HHAT: variants seen among roughly 807,000 people sequenced by gnomAD.
HHAT encodes the protein protein-cysteine N-palmitoyltransferase HHAT.
A neutral mutation model predicts 70.8 loss-of-function variants in HHAT; 47 were observed. The observed-to-expected ratio is 0.66, with a 90% CI of 0.53 to 0.85. The LOEUF is 0.85. Ranked by LOEUF, HHAT falls within the 40% of genes least tolerant of loss-of-function variation. The pLI is 0.00. For missense variants in HHAT, 609 were observed against 604.8 expected, an observed-to-expected ratio of 1.01 and a Z score of -0.07; for synonymous variants, 228 against 247.6, an observed-to-expected ratio of 0.92 and a Z score of 0.74.
intron 11 of HHAT, among the ~76,000 whole-genome samples, chr1:210,668,384 T>C (rs1193844208): frequency 2.6e-5 from 4 of 152,214 alleles, no homozygotes; most frequent in Non-Finnish European, 2.9e-5. Flanking sequence ...CCCATGGTCA[T>C]GGGAAGGACC....
At chr1:210,578,329 GA>G (rs933289111) in intron 9 of HHAT, among the ~76,000 whole-genome samples, 1 of 151,610 alleles carries the variant, frequency 6.6e-6, no homozygotes, top group East Asian at 1.9e-4. Flanking sequence ...TTATTTTCTA[GA>G]AAAAAAAGAT....
intron 1 of HHAT, among the ~76,000 whole-genome samples, chr1:210,347,940 C>T (rs2086663054): frequency 6.6e-6 from 1 of 152,174 alleles, no homozygotes; most frequent in African/African-American, 2.4e-5. Context: ...CACTTAGCTA[C>T]AGTGTAGTGT....
At chr1:210,644,097 A>T (rs1673526758) in intron 11 of HHAT, among the ~76,000 whole-genome samples, 1 of 152,170 alleles carries the variant, frequency 6.6e-6, no homozygotes, top group South Asian at 2.1e-4. Context: ...AAGATGTTGG[A>T]GGAGAGACTC....
intron 11 of HHAT, among the ~76,000 whole-genome samples, chr1:210,641,987 CTG>C (rs1191618597): frequency 6.6e-6 from 1 of 152,184 alleles, no homozygotes; most frequent in Non-Finnish European, 1.5e-5. Flanking sequence ...ATGTGTAAAA[CTG>C]TGCTTCCATT....
At chr1:210,336,265 C>T (rs1323584471) in intron 1 of HHAT, among the ~76,000 whole-genome samples, 1 of 132,216 alleles carries the variant, frequency 7.6e-6, no homozygotes, top group East Asian at 2.1e-4. Flanking sequence ...GGACTACAGG[C>T]ATGCACCACT....
chr1:210,577,260 T>C (rs1357612009), intron 9 of HHAT, among the ~76,000 whole-genome samples: 1 of 152,238 alleles, frequency 6.6e-6, no homozygotes, highest in Non-Finnish European at 1.5e-5. Context: ...TGCTTGTTTC[T>C]GATCTTAGCA....
intron 8 of HHAT, among the ~76,000 whole-genome samples, chr1:210,479,552 G>T (rs2094359710): frequency 1.3e-5 from 2 of 152,138 alleles, no homozygotes; most frequent in African/African-American, 4.8e-5. Context: ...TAAATGATTT[G>T]CCCAGAGAGG....
intron 6 of HHAT, among the ~76,000 whole-genome samples, chr1:210,411,599 A>C (rs182226291): frequency 6.6e-6 from 1 of 152,032 alleles, no homozygotes; most frequent in East Asian, 1.9e-4. Context: ...CAAAAAATAA[A>C]AAAAAATCAG....
chr1:210,508,838 C>T (rs1034590602), intron 8 of HHAT, among the ~76,000 whole-genome samples: 2 of 152,212 alleles, frequency 1.3e-5, no homozygotes, highest in South Asian at 2.1e-4. Flanking sequence ...ACACAAAAAA[C>T]ATGAACTTGT....
chr1:210,559,768 T>A (rs557524829), intron 9 of HHAT, among the ~76,000 whole-genome samples: 1 of 150,848 alleles, frequency 6.6e-6, no homozygotes, highest in Non-Finnish European at 1.5e-5. Flanking sequence ...GATGTGGTGG[T>A]TCCTTCTTTT....
rs771134636 is a variant in HHAT, at chr1:210,587,969, T to G, written c.1115T>G (p.Phe372Cys). The G allele has an allele frequency of 6.2e-7, 1 of 1,614,146 alleles. No individual in the cohort carries two copies. Among genetic ancestry groups the G allele is most frequent in the East Asian group, 2.2e-5 (1 of 44,868 alleles). The change falls in exon 10 of 12, where the codon TTT becomes TGT. Residue 372 changes from phenylalanine (F) to cysteine (C), a missense_variant. Physicochemically the swap from Phe to Cys is radical, Grantham distance 205. Transcript: ENST00000261458. Reference sequence around the variant, plus strand: ...ACACTGTTTTCCACGGCGATGACATTTGCATTTGTGAGCTACTGGCATGGC... The same window carrying G: ...ACACTGTTTTCCACGGCGATGACATGTGCATTTGTGAGCTACTGGCATGGC... ...LGTLFSTAMT[F>C]AFVSYWHGGY... is the part of the protein sequence containing the mutation.
Position 210,599,352 on chromosome 1 carries a change from G to A in HHAT, c.1245+11253G>A, listed in dbSNP as rs140490463. Among the ~76,000 whole-genome samples, 6 of 152,282 alleles carry A rather than the reference G, an allele frequency of 3.9e-5. No individual in the cohort carries two copies. In the South Asian group the frequency reaches 1.2e-3, roughly 32 times the overall value. On this transcript the variant is annotated intron_variant, in intron 10 of 11. Transcript: ENST00000261458. ...GTCTGACCCTGCTGTTACTTGGAATGATCTTCATTAATGCCCTTGGCACCT... is the reference window on the plus strand; with the variant it reads ...GTCTGACCCTGCTGTTACTTGGAATAATCTTCATTAATGCCCTTGGCACCT...
In HHAT at chr1:210,602,182, G is replaced by A. The variant is rs547363860; in HGVS notation, c.1245+14083G>A. Among the ~76,000 whole-genome samples the A allele has an allele frequency of 5.3e-5, 8 of 152,246 alleles. No individual in the cohort carries two copies. In the East Asian group the frequency reaches 1.5e-3, roughly 29 times the overall value. The stretch of plus-strand genomic sequence containing the variant: ...CTCAGGGGTCGAGTAAAATGAGAGT[G>A]CTGGCAGTGAGAAAAGAAAGCTGTG... On this transcript the variant is annotated intron_variant, in intron 10 of 11. Coordinates refer to ENST00000261458, the MANE Select transcript of HHAT (RefSeq NM_018194.6).
intron 10 of HHAT, among the ~76,000 whole-genome samples, chr1:210,617,757 T>C (rs1012231679): frequency 2.0e-5 from 3 of 152,254 alleles, no homozygotes; most frequent in African/African-American, 7.2e-5. Context: ...TTTGCCTTCA[T>C]TGCTGCAGGT....
chr1:210,551,312 A>G (rs927089825), intron 9 of HHAT, among the ~76,000 whole-genome samples: 1 of 149,028 alleles, frequency 6.7e-6, no homozygotes, highest in African/African-American at 2.5e-5. Context: ...CCCCCGACCC[A>G]TGGGGAACTG....
At chr1:210,560,292 T>C (rs1463651023) in intron 9 of HHAT, among the ~76,000 whole-genome samples, 1 of 152,192 alleles carries the variant, frequency 6.6e-6, no homozygotes, top group East Asian at 1.9e-4. Flanking sequence ...TATGTGTGAC[T>C]TCCTCAGAGT....
At chr1:210,546,322 C>T (rs2148671956) in intron 9 of HHAT, among the ~76,000 whole-genome samples, 1 of 152,312 alleles carries the variant, frequency 6.6e-6, no homozygotes, top group East Asian at 1.9e-4. Flanking sequence ...AGAAGCAGGA[C>T]CATCCACTTG....
chr1:210,623,851 C>A (rs995106344), intron 11 of HHAT, among the ~76,000 whole-genome samples, 181 bp downstream of exon 11: 1 of 152,126 alleles, frequency 6.6e-6, no homozygotes, highest in Non-Finnish European at 1.5e-5. Flanking sequence ...TAAGTGTCCC[C>A]TGTTTTTGAG....
intron 7 of HHAT, among the ~76,000 whole-genome samples, chr1:210,452,117 T>C (rs1473764821): frequency 3.3e-5 from 5 of 152,254 alleles, no homozygotes; most frequent in Non-Finnish European, 7.3e-5. Context: ...GATATTCTTC[T>C]TCATAGACTG....
Sources: gnomAD v4.1 joint callset for allele counts (sites outside exome capture counted in the v4.1 genomes callset) on GRCh38, gnomAD v4.1.1 for gene constraint, MANE v1.5 for transcripts, NCBI Gene and HGNC (gene_info 2026-07-23, HGNC 2026-07-21) for gene names.